The following INPP5D variants were observed in gnomAD, a reference collection of about 807,000 sequenced individuals.
INPP5D encodes the protein phosphatidylinositol 3,4,5-trisphosphate 5-phosphatase 1.
In INPP5D, 33 loss-of-function variants were observed where a neutral mutation model predicts 122.9. The ratio of observed to expected loss-of-function variants is 0.27; its 90% CI spans 0.20 to 0.36. The LOEUF is 0.36. Among genes scored for constraint, INPP5D ranks in the 10% least tolerant of loss-of-function variants. The probability of loss-of-function intolerance (pLI) is 1.00; values close to 1 mark genes in which losing one functional copy is unlikely to be tolerated. For missense variants in INPP5D, 1,053 were observed against 1,412.7 expected, an observed-to-expected ratio of 0.75 and a Z score of 4.08; for synonymous variants, 584 against 576.2, an observed-to-expected ratio of 1.01 and a Z score of -0.19.
intron 4 of INPP5D, among the ~76,000 whole-genome samples, chr2:233,127,846 G>C (rs1409497325): frequency 6.6e-6 from 1 of 152,192 alleles, no homozygotes; most frequent in East Asian, 1.9e-4. Context: ...AACCTGAGGT[G>C]ATCTGCCCGC....
At position 233,164,472 on chromosome 2, in the gene INPP5D, C is replaced by G. The variant is rs546179210; in HGVS notation, c.1555+48C>G. On this transcript the variant is annotated intron_variant, in intron 13 of 26. Coordinates refer to ENST00000445964, the MANE Select transcript of INPP5D (RefSeq NM_001017915.3). The surrounding 1 kb of genome is among the most constrained non-coding windows in gnomAD (Gnocchi z 4.3). ...GTTCCTCCCACACCCTCTGCCTCAA[C>G]TCTCGCGACCACATCATCCTGATCC... is the stretch of plus-strand genomic sequence containing the variant. 41 of 1,499,604 alleles carry G rather than the reference C, an allele frequency of 2.7e-5. No individual in the cohort carries two copies. The East Asian group carries it at 9.9e-4, about 36-fold the overall frequency. 92.9% of individuals were successfully genotyped at this position (1,499,604 alleles called of 1,614,324 possible).
At chr2:233,135,844 C>G (rs1206973399) in intron 5 of INPP5D, among the ~76,000 whole-genome samples, 1 of 152,044 alleles carries the variant, frequency 6.6e-6, no homozygotes, top group Non-Finnish European at 1.5e-5. Context: ...ATTTTATAGT[C>G]CTGGTGATCT....
chr2:233,137,421 C>T (rs979420215), intron 5 of INPP5D, among the ~76,000 whole-genome samples: 4 of 149,762 alleles, frequency 2.7e-5, no homozygotes, highest in South Asian at 2.1e-4. Flanking sequence ...TAATTACAAT[C>T]GATAGGGAAA....
rs994943720 is a variant in INPP5D at position 233,189,506 on chromosome 2, C to A, written c.2359-344C>A. Reference sequence around the variant, plus strand: ...CTGGCCCCACTTCCCCGCCAGCCTGCCTTCTCCTCTATGACCCTGGCCTAG... The same window carrying A: ...CTGGCCCCACTTCCCCGCCAGCCTGACTTCTCCTCTATGACCCTGGCCTAG... On this transcript the variant is annotated intron_variant, in intron 21 of 26. Transcript: ENST00000445964. The surrounding 1 kb of genome is among the most constrained non-coding windows in gnomAD (Gnocchi z 5.6). Among the ~76,000 whole-genome samples the A allele has an allele frequency of 6.6e-6, 1 of 152,168 alleles. No homozygotes were observed. Among genetic ancestry groups the A allele is most frequent in the Non-Finnish European group, 1.5e-5 (1 of 68,034 alleles).
In INPP5D at chr2:233,115,003, G is replaced by C. The variant is rs149566395; in HGVS notation, c.199-7104G>C. ...CTGCCTCAGCCTCCCAAGTATCTGGGATTACAGGCATGTGCCACCGCGCCT... is the reference window on the plus strand; with the variant it reads ...CTGCCTCAGCCTCCCAAGTATCTGGCATTACAGGCATGTGCCACCGCGCCT... On this transcript the variant is annotated intron_variant, in intron 2 of 26. Transcript: ENST00000445964. Among the ~76,000 whole-genome samples, 788 of 152,138 alleles carry C rather than the reference G, an allele frequency of 5.2e-3. 7 individuals are homozygous for C. Among genetic ancestry groups the C allele is most frequent in the African/African-American group, 0.018 (756 of 41,500 alleles).
intron 3 of INPP5D, among the ~76,000 whole-genome samples, chr2:233,124,942 C>T (rs1189749718): frequency 6.6e-6 from 1 of 152,256 alleles, no homozygotes; most frequent in East Asian, 1.9e-4. Context: ...TCGAAGCAGA[C>T]TCCTAGTTGT....
chr2:233,197,475 C>G lies in INPP5D; in HGVS notation c.2694-620C>G, dbSNP rs1223594966. 1.3e-5 allele frequency among the ~76,000 whole-genome samples: 2 copies of G among 152,140 alleles called. No homozygotes were observed. Among genetic ancestry groups the G allele is most frequent in the Non-Finnish European group, 2.9e-5 (2 of 68,012 alleles). ...CCTTCCTGCCACCCAGGCTACCCCCCCACCATCTCTCTGCCCTGCCAGCCT... is the reference window on the plus strand; with the variant it reads ...CCTTCCTGCCACCCAGGCTACCCCCGCACCATCTCTCTGCCCTGCCAGCCT... On this transcript the variant is annotated intron_variant, in intron 24 of 26. Transcript: ENST00000445964. The surrounding 1 kb of genome is among the most constrained non-coding windows in gnomAD (Gnocchi z 4.4).
At chr2:233,141,184 G>T (rs1693624441) in intron 6 of INPP5D, 1 of 152,162 alleles carries the variant, frequency 6.6e-6, no homozygotes, top group Non-Finnish European at 1.5e-5. Context: ...AATGTGAACT[G>T]CAGGCATCCC....
rs762536201 is a variant in INPP5D, at chr2:233,195,416, C to A, written c.2614C>A (p.Arg872Ser). The change falls in exon 24 of 27, where the codon CGT (arginine) becomes AGT (serine). Residue 872 changes from arginine to serine, a missense_variant. By Grantham distance (110) the Arg-to-Ser change is moderately radical (BLOSUM62 -1). This residue lies in a region of INPP5D where 258 missense variants were observed against 439.1 expected (regional missense o/e 0.59). Transcript: ENST00000445964. ...CCTTCCAGACTTTGTGAAGACGGAGCGTGATGAATCCAGTGGGCCAAAGAC... is the reference window on the plus strand; with the variant it reads ...CCTTCCAGACTTTGTGAAGACGGAGAGTGATGAATCCAGTGGGCCAAAGAC... ...EKLYDFVKTE[R>S]DESSGPKTLK... 1.2e-5 allele frequency: 20 copies of A among 1,612,010 alleles called. No individual in the cohort carries two copies. Among genetic ancestry groups the A allele is most frequent in the African/African-American group, 1.3e-5 (1 of 74,964 alleles).
intron 2 of INPP5D, among the ~76,000 whole-genome samples, chr2:233,102,867 ACC>A (rs1353226326): frequency 0.026 from 3,782 of 144,514 alleles, 106 homozygotes; most frequent in African/African-American, 0.044. Context: ...AAAAAAAACA[ACC>A]AAAAAACCAC....
At chr2:233,114,995 G>T (rs1692745948) in intron 2 of INPP5D, among the ~76,000 whole-genome samples, 1 of 151,856 alleles carries the variant, frequency 6.6e-6, no homozygotes, top group South Asian at 2.1e-4. Context: ...AGCCTCCCAA[G>T]TATCTGGGAT....
In INPP5D at chr2:233,087,673, A is replaced by G. The variant is rs186564499; in HGVS notation, c.198+8275A>G. Among the ~76,000 whole-genome samples the G allele has an allele frequency of 2.6e-5, 4 of 152,286 alleles. No individual in the cohort carries two copies. The East Asian group carries it at 5.8e-4, about 22-fold the overall frequency. ...TTTTATATTGACTTATTTATCATCT[A>G]TACTAGAACTATTCCTAGCATGTAG... is the stretch of plus-strand genomic sequence containing the variant. On this transcript the variant is annotated intron_variant, in intron 2 of 26. Transcript: ENST00000445964.
At chr2:233,162,030 A>C in intron 11 of INPP5D, among the ~76,000 whole-genome samples, 1 of 152,234 alleles carries the variant, frequency 6.6e-6, no homozygotes, top group African/African-American at 2.4e-5. Flanking sequence ...AAGAAAAACG[A>C]GCTTTGGGAC....
chr2:233,125,360 C>T (rs1693125977), intron 3 of INPP5D, among the ~76,000 whole-genome samples: 1 of 152,224 alleles, frequency 6.6e-6, no homozygotes, highest in Non-Finnish European at 1.5e-5. Context: ...AACTGGGCCT[C>T]TGCCTAGCCC....
intron 1 of INPP5D, among the ~76,000 whole-genome samples, chr2:233,067,766 AT>A (rs1691266604): frequency 6.6e-6 from 1 of 152,170 alleles, no homozygotes; most frequent in Non-Finnish European, 1.5e-5. Flanking sequence ...TTTAATTTGC[AT>A]TTCTCTAATG....
At chr2:233,148,827 C>T (rs1693844874) in intron 9 of INPP5D, among the ~76,000 whole-genome samples, 1 of 151,938 alleles carries the variant, frequency 6.6e-6, no homozygotes, top group Non-Finnish European at 1.5e-5. Context: ...ACTATGAAGC[C>T]CCCCAAGTCT....
rs147423733 is a variant in INPP5D at position 233,167,552 on chromosome 2, C to T, written c.1556-1753C>T. ...AGTTGCTCAGTTCCAGGTCACCCTC[C>T]CAGGTTGCGGGCAGAGGGGCAGGGC... On this transcript the variant is annotated intron_variant, in intron 13 of 26. Coordinates refer to ENST00000445964, the MANE Select transcript of INPP5D (RefSeq NM_001017915.3). Among the ~76,000 whole-genome samples the T allele has an allele frequency of 2.7e-3, 408 of 152,218 alleles. 3 individuals carry two copies. The highest frequency in any genetic ancestry group is 9.5e-3 in the African/African-American group (394 of 41,530).
chr2:233,182,391 T>C lies in INPP5D; in HGVS notation c.2072-19T>C. The C allele has an allele frequency of 6.2e-7, 1 of 1,613,112 alleles. No individual in the cohort carries two copies. Among genetic ancestry groups the C allele is most frequent in the Non-Finnish European group, 8.5e-7 (1 of 1,179,310 alleles). On this transcript the variant is annotated intron_variant, in intron 18 of 26. Coordinates refer to ENST00000445964, the MANE Select transcript of INPP5D (RefSeq NM_001017915.3). ...GGGCTTCTCCTTCCCTGCTTAAAAA[T>C]GCCTTCCCTCCCCTGCAGGCAGTAC...
rs373149593 is a variant in INPP5D at position 233,122,239 on chromosome 2, G to C, written c.331G>C (p.Asp111His). ...GCTGGAGGAAGAGGACACAGGCGACGACCCTGAGGAGGACACAGGTAGGGA... is the reference window on the plus strand; with the variant it reads ...GCTGGAGGAAGAGGACACAGGCGACCACCCTGAGGAGGACACAGGTAGGGA... Reference protein sequence around the residue: ...VPLEEEDTGDDPEEDTVESVV... With the variant: ...VPLEEEDTGDHPEEDTVESVV... Residue 111 changes from aspartate (D) to histidine (H), a missense_variant, in exon 3 of 27, where the codon GAC (aspartate) becomes CAC (histidine). Physicochemically the swap from Asp to His is moderately conservative, Grantham distance 81. Transcript: ENST00000445964. 16 of 1,613,638 alleles carry C rather than the reference G, an allele frequency of 9.9e-6. No individual in the cohort carries two copies. The highest frequency in any genetic ancestry group is 1.3e-5 in the African/African-American group (1 of 74,910).
Sources: gnomAD v4.1 joint callset for allele counts (sites outside exome capture counted in the v4.1 genomes callset) on GRCh38, gnomAD v4.1.1 for gene constraint, gnomAD v4.1.1 regional missense constraint, Gnocchi (gnomAD v3.1) non-coding constraint, MANE v1.5 for transcripts, NCBI Gene and HGNC (gene_info 2026-07-23, HGNC 2026-07-21) for gene names.